GPD1L: variants seen among roughly 807,000 people sequenced by gnomAD.
GPD1L encodes the protein glycerol-3-phosphate dehydrogenase 1 like, also known as glycerol-3-phosphate dehydrogenase 1-like protein.
In GPD1L, 17 loss-of-function variants were observed where a neutral mutation model predicts 32.9. The observed-to-expected ratio is 0.52, with a 90% CI of 0.35 to 0.78. The LOEUF is 0.78. GPD1L is among the 30% of genes least tolerant of loss of function. The pLI, the probability that GPD1L is intolerant of heterozygous loss-of-function variation, is 0.01. For missense variants in GPD1L, 361 were observed against 447.8 expected, an observed-to-expected ratio of 0.81 and a Z score of 1.75; for synonymous variants, 187 against 165.9, an observed-to-expected ratio of 1.13 and a Z score of -0.98.
At chr3:32,115,758 C>CATTTTTTTTTTTTTTTTTTT (rs1700323537) in intron 1 of GPD1L, among the ~76,000 whole-genome samples, 1 of 44,994 alleles carries the variant, frequency 2.2e-5, no homozygotes, top group Non-Finnish European at 4.9e-5. Context: ...GTACGTTGAA[C>CATTTTTTTTTTTTTTTTTTT]TTTTTTTTTT....
At chr3:32,148,662 TG>T (rs1394401205) in intron 5 of GPD1L, among the ~76,000 whole-genome samples, 1 of 152,214 alleles carries the variant, frequency 6.6e-6, no homozygotes, top group Non-Finnish European at 1.5e-5. Flanking sequence ...ACTCGGAGCG[TG>T]AACACGGGTT....
rs1328577408 is a variant in GPD1L at position 32,166,581 on chromosome 3, A to C, written c.*671A>C. 1 of 153,392 alleles carries C rather than the reference A, an allele frequency of 6.5e-6. No homozygotes were observed. The highest frequency in any genetic ancestry group is 1.9e-4 in the East Asian group (1 of 5,216). The allele number at this position is 153,392 out of a possible 1,614,324, so 9.5% of individuals were successfully genotyped here. On this transcript the variant is annotated 3_prime_UTR_variant, in exon 8 of 8. Coordinates refer to ENST00000282541, the MANE Select transcript of GPD1L (RefSeq NM_015141.4). ...TCAGAGGTAACAAGACAGAAAATTC[A>C]TCTGGGATTTTCCTGCTGTGGCTGG... is the stretch of plus-strand genomic sequence containing the variant.
At chr3:32,145,437 C>T (rs1049467071) in intron 4 of GPD1L, among the ~76,000 whole-genome samples, 1 of 152,176 alleles carries the variant, frequency 6.6e-6, no homozygotes, top group African/African-American at 2.4e-5. Context: ...ATGGGCATTG[C>T]GTTATTTGCA....
chr3:32,141,407 A>G (rs1700740541), intron 4 of GPD1L, among the ~76,000 whole-genome samples: 1 of 152,170 alleles, frequency 6.6e-6, no homozygotes, highest in Non-Finnish European at 1.5e-5. Context: ...TGTATGAACT[A>G]TTATGTTTGT....
At chr3:32,135,682 G>A (rs1700651828) in intron 2 of GPD1L, among the ~76,000 whole-genome samples, 1 of 152,084 alleles carries the variant, frequency 6.6e-6, no homozygotes, top group African/African-American at 2.4e-5. Context: ...CAAACTCTTG[G>A]CCTCAAGCGA....
At chr3:32,154,751 G>A (rs938091716) in intron 5 of GPD1L, among the ~76,000 whole-genome samples, 1 of 112,518 alleles carries the variant, frequency 8.9e-6, no homozygotes, top group Admixed American at 8.7e-5. Context: ...CTTCTCCTAA[G>A]CTACTTTTTT....
chr3:32,123,678 C>G (rs1464179988), intron 1 of GPD1L, among the ~76,000 whole-genome samples: 1 of 151,962 alleles, frequency 6.6e-6, no homozygotes, highest in Non-Finnish European at 1.5e-5. Flanking sequence ...CCTCGATTCT[C>G]AAAATGCGGG....
chr3:32,149,504 C>T (rs961768893), intron 5 of GPD1L, among the ~76,000 whole-genome samples: 1 of 152,186 alleles, frequency 6.6e-6, no homozygotes, highest in Non-Finnish European at 1.5e-5. Context: ...CAACTCTCTA[C>T]AAGGATAAAA....
intron 1 of GPD1L, among the ~76,000 whole-genome samples, chr3:32,117,049 A>C (rs1700342346): frequency 6.6e-6 from 1 of 152,204 alleles, no homozygotes; most frequent in African/African-American, 2.4e-5. Flanking sequence ...TGTAAATACT[A>C]TGTGTAGCTA....
rs555846615 is a variant in GPD1L, at chr3:32,116,664, C to G, written c.47+9906C>G. ...GACTGATTTACTACTACCAATTTTACTACTACTCATATTTAAATTTACTAC... is the reference window on the plus strand; with the variant it reads ...GACTGATTTACTACTACCAATTTTAGTACTACTCATATTTAAATTTACTAC... On this transcript the variant is annotated intron_variant, in intron 1 of 7. Coordinates refer to ENST00000282541, the MANE Select transcript of GPD1L (RefSeq NM_015141.4). Among the ~76,000 whole-genome samples the G allele has an allele frequency of 1.6e-4, 24 of 152,282 alleles. 1 individual carries two copies. The South Asian group carries it at 4.8e-3, about 30-fold the overall frequency.
chr3:32,135,890 T>C (rs1335057302), intron 2 of GPD1L, among the ~76,000 whole-genome samples: 1 of 152,168 alleles, frequency 6.6e-6, no homozygotes, highest in Non-Finnish European at 1.5e-5. Flanking sequence ...CTAGCCTAGA[T>C]TACCAATCTG....
rs11923900 is a variant in GPD1L at position 32,142,302 on chromosome 3, A to G, written c.505+1936A>G. On this transcript the variant is annotated intron_variant, in intron 4 of 7. Transcript: ENST00000282541. ...CCCAGCTAATTTTTGTATTTTTGGT[A>G]GAGACAGGGTTTCACCATGTTGGCC... Among the ~76,000 whole-genome samples, 375 of 152,176 alleles carry G rather than the reference A, an allele frequency of 2.5e-3. 1 individual carries two copies. Among genetic ancestry groups the G allele is most frequent in the African/African-American group, 8.5e-3 (354 of 41,510 alleles).
intron 7 of GPD1L, among the ~76,000 whole-genome samples, chr3:32,160,882 C>T (rs1701065482): frequency 6.6e-6 from 1 of 151,254 alleles, no homozygotes; most frequent in South Asian, 2.1e-4. Flanking sequence ...ATGATGCCAA[C>T]TACACCACTG....
intron 4 of GPD1L, among the ~76,000 whole-genome samples, chr3:32,143,070 G>A (rs1183702866): frequency 6.6e-6 from 1 of 151,996 alleles, no homozygotes; most frequent in Non-Finnish European, 1.5e-5. Flanking sequence ...TGTAGTCCCA[G>A]CTACTCAGGA....
At chr3:32,150,094 A>T (rs1219638983) in intron 5 of GPD1L, among the ~76,000 whole-genome samples, 1 of 152,196 alleles carries the variant, frequency 6.6e-6, no homozygotes, top group Non-Finnish European at 1.5e-5. Flanking sequence ...ACAACTCCAC[A>T]TGTCCCTTTG....
chr3:32,163,667 A>G (rs1295472668), intron 7 of GPD1L, among the ~76,000 whole-genome samples: 2 of 152,208 alleles, frequency 1.3e-5, no homozygotes, highest in East Asian at 1.9e-4. Context: ...TTACTCATAT[A>G]TAGAATGGGG....
intron 5 of GPD1L, among the ~76,000 whole-genome samples, chr3:32,154,284 T>C (rs1182707048): frequency 2.6e-5 from 4 of 152,048 alleles, no homozygotes; most frequent in African/African-American, 4.8e-5. Flanking sequence ...AGCTTTGGGG[T>C]GGTCTAGACT....
At position 32,159,465 on chromosome 3, in the gene GPD1L, T is replaced by TA. The variant is rs35234737; in HGVS notation, c.853-88dup. ...GCACAGCATAGCAAGACCCATTCTC[T>TA]AAAAAAAAAAAAAAAGAAAAAAAAC... is the stretch of plus-strand genomic sequence containing the variant. On this transcript the variant is annotated intron_variant, in intron 6 of 7. Coordinates refer to ENST00000282541, the MANE Select transcript of GPD1L (RefSeq NM_015141.4). The TA allele has an allele frequency of 0.039, 23,254 of 592,662 alleles. 28 individuals are homozygous for TA. The highest frequency in any genetic ancestry group is 0.048 in the African/African-American group (1,851 of 38,542). 36.7% of individuals were successfully genotyped at this position (592,662 alleles called of 1,614,324 possible).
At chr3:32,121,537 G>A (rs13068465) in intron 1 of GPD1L, among the ~76,000 whole-genome samples, 1,890 of 48,490 alleles carry the variant, frequency 0.039, 101 homozygotes, top group African/African-American at 0.16. Flanking sequence ...ATATTTCTAT[G>A]TATATATTTC....
Sources: allele counts gnomAD v4.1 joint callset (sites outside exome capture counted in the v4.1 genomes callset), GRCh38; gene constraint gnomAD v4.1.1; transcripts MANE v1.5; gene names NCBI Gene and HGNC (gene_info 2026-07-23, HGNC 2026-07-21).